The following FSTL5 variants were observed in gnomAD, a reference collection of about 807,000 sequenced individuals.
The protein encoded by FSTL5 is follistatin like 5.
In FSTL5, 62 loss-of-function variants were observed where a neutral mutation model predicts 89.1. The ratio of observed to expected loss-of-function variants is 0.70; its 90% CI spans 0.57 to 0.86. The LOEUF (loss-of-function observed/expected upper bound fraction) is 0.86. Ranked by LOEUF, FSTL5 falls within the 40% of genes least tolerant of loss-of-function variation. The pLI is 0.00. For missense variants in FSTL5, 1,057 were observed against 1,001.6 expected (o/e 1.06, Z -0.75); for synonymous variants, 383 against 346.2 (o/e 1.11, Z -1.18).
intron 6 of FSTL5, among the ~76,000 whole-genome samples, chr4:161,661,244 C>T (rs979193533): frequency 3.9e-5 from 6 of 152,196 alleles, no homozygotes; most frequent in Admixed American, 6.5e-5. Flanking sequence ...TTCTAAATAT[C>T]GACATCTTTG....
chr4:161,916,162 A>G (rs548793018), intron 4 of FSTL5, among the ~76,000 whole-genome samples: 2 of 152,300 alleles, frequency 1.3e-5, no homozygotes, highest in South Asian at 2.1e-4. Flanking sequence ...ATATTTCTCA[A>G]GTTGTTATTG....
intron 4 of FSTL5, among the ~76,000 whole-genome samples, chr4:161,916,715 T>TA (rs901912189): frequency 6.6e-6 from 1 of 151,974 alleles, no homozygotes; most frequent in Non-Finnish European, 1.5e-5. Flanking sequence ...CATAAATCAC[T>TA]AAAAAAATTA....
intron 8 of FSTL5, among the ~76,000 whole-genome samples, chr4:161,566,156 C>CACT (rs1560956658): frequency 1.9e-5 from 2 of 103,104 alleles, no homozygotes; most frequent in African/African-American, 7.7e-5. Flanking sequence ...ACACACACAC[C>CACT]GTGGAATGCT....
chr4:161,458,804 G>C (rs974048211), intron 14 of FSTL5, among the ~76,000 whole-genome samples: 1 of 152,128 alleles, frequency 6.6e-6, no homozygotes, highest in Non-Finnish European at 1.5e-5. Flanking sequence ...TCTTCCTTTA[G>C]AAATAAGCCT....
chr4:161,512,725 A>G (rs577461906), intron 10 of FSTL5, among the ~76,000 whole-genome samples: 15 of 152,252 alleles, frequency 9.9e-5, no homozygotes, highest in Non-Finnish European at 2.2e-4. Context: ...AAATCAAGGC[A>G]CTACATAATG....
At chr4:161,756,678 G>A (rs1271605770) in intron 6 of FSTL5, among the ~76,000 whole-genome samples, 1 of 151,988 alleles carries the variant, frequency 6.6e-6, no homozygotes, top group Non-Finnish European at 1.5e-5. Flanking sequence ...CCCTTGACAG[G>A]TGCAAGCAGT....
At chr4:161,898,297 G>GA (rs1012982879) in intron 4 of FSTL5, among the ~76,000 whole-genome samples, 6 of 151,334 alleles carry the variant, frequency 4.0e-5, no homozygotes, top group Non-Finnish European at 1.5e-5. Flanking sequence ...TTCACCTATG[G>GA]AAAAAATCTT....
intron 4 of FSTL5, among the ~76,000 whole-genome samples, chr4:161,779,471 C>T (rs993346604): frequency 6.6e-6 from 1 of 151,430 alleles, no homozygotes; most frequent in Non-Finnish European, 1.5e-5. Flanking sequence ...ACATATTAAG[C>T]CATTTTATAC....
At chr4:161,725,975 A>T (rs950882165) in intron 6 of FSTL5, among the ~76,000 whole-genome samples, 6 of 152,194 alleles carry the variant, frequency 3.9e-5, no homozygotes, top group African/African-American at 1.4e-4. Flanking sequence ...TCAACCTAAT[A>T]TAAAAATCCC....
chr4:161,605,694 G>C (rs974543024), intron 7 of FSTL5, among the ~76,000 whole-genome samples: 1 of 152,162 alleles, frequency 6.6e-6, no homozygotes, highest in Admixed American at 6.5e-5. Context: ...ACTGAAAATT[G>C]AAATGTCTTC....
intron 4 of FSTL5, among the ~76,000 whole-genome samples, chr4:161,862,636 G>A (rs971604808): frequency 6.6e-6 from 1 of 152,104 alleles, no homozygotes; most frequent in African/African-American, 2.4e-5. Context: ...TGAGGCTGAG[G>A]CAGGAGAATC....
intron 4 of FSTL5, among the ~76,000 whole-genome samples, chr4:161,836,018 A>G (rs970225138): frequency 6.6e-6 from 1 of 152,170 alleles, no homozygotes; most frequent in Non-Finnish European, 1.5e-5. Flanking sequence ...TGTTTATTGC[A>G]GCACCATTCA....
chr4:161,414,123 T>C (rs1326180207), intron 15 of FSTL5, among the ~76,000 whole-genome samples: 3 of 152,206 alleles, frequency 2.0e-5, no homozygotes, highest in African/African-American at 7.2e-5. Context: ...GAATTTCACT[T>C]CAATATAAAA....
chr4:161,924,248 A>C (rs1425505866), intron 3 of FSTL5, among the ~76,000 whole-genome samples: 1 of 151,604 alleles, frequency 6.6e-6, no homozygotes, highest in Non-Finnish European at 1.5e-5. Context: ...AAATTTAAAA[A>C]GAGATAAAAA....
At chr4:161,437,249 T>C (rs1018760851) in intron 15 of FSTL5, among the ~76,000 whole-genome samples, 2 of 151,276 alleles carry the variant, frequency 1.3e-5, no homozygotes, top group East Asian at 2.0e-4. Context: ...TAACAGCTAG[T>C]GAGGGTGGGA....
intron 2 of FSTL5, among the ~76,000 whole-genome samples, chr4:162,097,223 T>A (rs1460609223): frequency 2.0e-5 from 3 of 151,948 alleles, no homozygotes; most frequent in East Asian, 1.9e-4. Flanking sequence ...TAACTGATTA[T>A]CCTTAGTGTC....
At chr4:161,416,924 T>A (rs1731809371) in intron 15 of FSTL5, among the ~76,000 whole-genome samples, 1 of 152,078 alleles carries the variant, frequency 6.6e-6, no homozygotes, top group Non-Finnish European at 1.5e-5. Context: ...GTAAATAAAT[T>A]GACTATATTC....
At chr4:161,562,730 T>G (rs2126573131) in intron 8 of FSTL5, among the ~76,000 whole-genome samples, 1 of 152,126 alleles carries the variant, frequency 6.6e-6, no homozygotes, top group Middle Eastern at 3.4e-3. Flanking sequence ...TTACTGCTTT[T>G]AAGTATACAG....
intron 4 of FSTL5, among the ~76,000 whole-genome samples, chr4:161,797,801 T>A (rs1029665870): frequency 6.6e-6 from 1 of 151,652 alleles, no homozygotes; most frequent in African/African-American, 2.4e-5. Flanking sequence ...CTATTAGAAA[T>A]ATTTCAATTA....
Sources: gnomAD v4.1 joint callset for allele counts (sites outside exome capture counted in the v4.1 genomes callset) on GRCh38, gnomAD v4.1.1 for gene constraint, MANE v1.5 for transcripts, NCBI Gene and HGNC (gene_info 2026-07-23, HGNC 2026-07-21) for gene names.